Variants in PSD3 observed in about 807,000 individuals in gnomAD.
The protein encoded by PSD3 is PH and SEC7 domain-containing protein 3.
A neutral mutation model predicts 105.5 loss-of-function variants in PSD3; 49 were observed. The observed-to-expected ratio is 0.46, with a 90% CI of 0.37 to 0.59. The LOEUF (loss-of-function observed/expected upper bound fraction) is 0.59, where lower values mean the gene tolerates loss of function less well. PSD3 is among the 20% of genes least tolerant of loss of function. The pLI is 0.00. For synonymous variants in PSD3, 557 were observed against 457.8 expected (o/e 1.22, Z -2.77); for missense variants, 1,561 against 1,263.8 (o/e 1.24, Z -3.57).
intron 15 of PSD3, among the ~76,000 whole-genome samples, chr8:18,545,903 C>G (rs1400685148): frequency 2.0e-5 from 3 of 152,194 alleles, no homozygotes; most frequent in Non-Finnish European, 2.9e-5. Flanking sequence ...ATTTGAGGAG[C>G]AGCTGAAGGA....
Position 18,632,870 on chromosome 8 carries a change from A to C in PSD3, c.2217-64T>G. The C allele has an allele frequency of 3.1e-6, 4 of 1,304,202 alleles. No homozygotes were observed. In the Admixed American group the frequency reaches 1.1e-4, roughly 37 times the overall value. The allele number at this position is 1,304,202 out of a possible 1,614,324, so 80.8% of individuals were successfully genotyped here. A position where few individuals can be genotyped will look rare whatever the true frequency, so the allele number is the denominator to read the frequency against. On this transcript the variant is annotated intron_variant, in intron 10 of 15. Coordinates refer to ENST00000327040, the MANE Select transcript of PSD3 (RefSeq NM_015310.4). The stretch of plus-strand genomic sequence containing the variant: ...ATCATAATATTCAAAGAAAAAGGTA[A>C]GTTATTGTAAAAAACTACATTGTAT...
chr8:19,043,952 G>A (rs943301884), intron 1 of PSD3, among the ~76,000 whole-genome samples: 85 of 152,274 alleles, frequency 5.6e-4, no homozygotes, highest in African/African-American at 2.0e-3. Flanking sequence ...TTTGTTTTCT[G>A]CTCAACAAGC....
intron 1 of PSD3, among the ~76,000 whole-genome samples, chr8:18,976,318 A>C (rs891683210): frequency 6.6e-6 from 1 of 152,246 alleles, no homozygotes; most frequent in African/African-American, 2.4e-5. Context: ...CTTATTATTA[A>C]ATAAATTACA....
At chr8:18,927,697 A>G (rs545416280) in intron 2 of PSD3, among the ~76,000 whole-genome samples, 1 of 151,866 alleles carries the variant, frequency 6.6e-6, no homozygotes, top group Non-Finnish European at 1.5e-5. Context: ...GAAAGTCCGA[A>G]CCCTCCAATC....
intron 12 of PSD3, among the ~76,000 whole-genome samples, chr8:18,582,816 CTTTTTTTTT>C (rs71217386): frequency 2.4e-5 from 3 of 125,474 alleles, no homozygotes; most frequent in East Asian, 2.3e-4. Flanking sequence ...CCACACTGAT[CTTTTTTTTT>C]TTTTTTTTTT....
At chr8:18,746,662 G>C (rs1336208117) in intron 9 of PSD3, among the ~76,000 whole-genome samples, 1 of 152,136 alleles carries the variant, frequency 6.6e-6, no homozygotes, top group Non-Finnish European at 1.5e-5. Flanking sequence ...TGTTCTTTTT[G>C]TCTTCAACCA....
chr8:18,667,129 C>CTGG (rs1759247569), intron 9 of PSD3, among the ~76,000 whole-genome samples: 1 of 152,134 alleles, frequency 6.6e-6, no homozygotes, highest in South Asian at 2.1e-4. Context: ...CGAGTTGCCA[C>CTGG]TGGTGGCTCA....
chr8:19,065,045 A>G (rs1180498157), intron 1 of PSD3, among the ~76,000 whole-genome samples: 1 of 152,182 alleles, frequency 6.6e-6, no homozygotes, highest in Non-Finnish European at 1.5e-5. Context: ...CAGGAGATTC[A>G]CAGCAACCAC....
intron 6 of PSD3, 58 bp downstream of exon 6, chr8:18,804,464 T>A: frequency 2.8e-6 from 4 of 1,411,866 alleles, no homozygotes; most frequent in Non-Finnish European, 3.9e-6. Context: ...CATTACTTTC[T>A]TCTCTAAGAA....
At position 18,913,086 on chromosome 8, in the gene PSD3, A is replaced by AACACACACACAC. The variant is rs72253853; in HGVS notation, c.130+22936_130+22947dup. 1.3e-4 allele frequency among the ~76,000 whole-genome samples: 17 copies of AACACACACACAC among 130,542 alleles called. No individual in the cohort carries two copies. In the East Asian group the frequency reaches 1.4e-3, roughly 11 times the overall value. 85.6% of individuals were successfully genotyped at this position (130,542 alleles called of 152,430 possible). A position where few individuals can be genotyped will look rare whatever the true frequency, so the allele number is the denominator to read the frequency against. ...CTTTATAAACACACACACACACACA[A>AACACACACACAC]ACACACACACACACACACACACACA... is the stretch of plus-strand genomic sequence containing the variant. On this transcript the variant is annotated intron_variant, in intron 2 of 15. Transcript: ENST00000327040.
intron 1 of PSD3, among the ~76,000 whole-genome samples, chr8:18,972,417 A>T (rs1359790323): frequency 3.3e-5 from 5 of 152,242 alleles, no homozygotes; most frequent in African/African-American, 1.2e-4. Flanking sequence ...CAGTTATCAC[A>T]GGGTCAGATT....
At position 18,850,758 on chromosome 8, in the gene PSD3, T is replaced by C. The variant is rs920015904; in HGVS notation, c.1634+16916A>G. On this transcript the variant is annotated intron_variant, in intron 4 of 15. Transcript: ENST00000327040. ...TGCAGATGGGCAAACTGAGGGGTCA[T>C]GAGAGGACGCGACTCTTCCCAAGTC... Among the ~76,000 whole-genome samples, 5 of 152,240 alleles carry C rather than the reference T, an allele frequency of 3.3e-5. 1 individual carries two copies. In the Middle Eastern group the frequency reaches 0.014, roughly 414 times the overall value.
chr8:18,854,031 A>G (rs1323519219), intron 4 of PSD3: 1 of 26,854 alleles, frequency 3.7e-5, no homozygotes, highest in Non-Finnish European at 7.6e-5. Context: ...AGTTTCTACA[A>G]TTACAATTAT....
intron 2 of PSD3, among the ~76,000 whole-genome samples, chr8:18,920,172 C>T (rs528124279): frequency 1.3e-5 from 2 of 152,100 alleles, no homozygotes; most frequent in Admixed American, 6.6e-5. Context: ...GCTTAGGAAC[C>T]ATCGCTTTAA....
chr8:18,949,244 A>AAAAAAAAAATAT (rs1345423514), intron 1 of PSD3, among the ~76,000 whole-genome samples: 4 of 14,404 alleles, frequency 2.8e-4, no homozygotes, highest in Non-Finnish European at 5.4e-4. Flanking sequence ...AAAAAAAAAA[A>AAAAAAAAAATAT]ATATATATAT....
chr8:18,556,140 T>C lies in PSD3; in HGVS notation c.2928+69A>G. 2.6e-6 allele frequency: 4 copies of C among 1,531,408 alleles called. No individual in the cohort carries two copies. In the East Asian group the frequency reaches 9.3e-5, roughly 36 times the overall value. 94.9% of individuals were successfully genotyped at this position (1,531,408 alleles called of 1,614,324 possible). Reference sequence around the variant, plus strand: ...CTCTCAGTGACACTGCAAAGAAAGATACCGCCTCATGGACAGATCATAAGA... The same window carrying C: ...CTCTCAGTGACACTGCAAAGAAAGACACCGCCTCATGGACAGATCATAAGA... On this transcript the variant is annotated intron_variant, in intron 15 of 15. Coordinates refer to ENST00000327040, the MANE Select transcript of PSD3 (RefSeq NM_015310.4).
At chr8:18,896,869 G>A (rs1052251206) in intron 2 of PSD3, among the ~76,000 whole-genome samples, 11 of 152,040 alleles carry the variant, frequency 7.2e-5, no homozygotes, top group Non-Finnish European at 1.5e-5. Context: ...GGAGTGCAAT[G>A]GCATGATCTC....
At chr8:18,580,268 G>A (rs1047913694) in intron 12 of PSD3, among the ~76,000 whole-genome samples, 1 of 152,026 alleles carries the variant, frequency 6.6e-6, no homozygotes, top group African/African-American at 2.4e-5. Context: ...GACCTGCTCC[G>A]GGTGCCACAG....
intron 10 of PSD3, among the ~76,000 whole-genome samples, chr8:18,653,424 G>C (rs1048247982): frequency 6.6e-6 from 1 of 151,820 alleles, no homozygotes; most frequent in Non-Finnish European, 1.5e-5. Flanking sequence ...ATCAATTGAA[G>C]AGCAACTTGC....
Sources: gnomAD v4.1 joint callset for allele counts (sites outside exome capture counted in the v4.1 genomes callset) on GRCh38, gnomAD v4.1.1 for gene constraint, MANE v1.5 for transcripts, NCBI Gene and HGNC (gene_info 2026-07-23, HGNC 2026-07-21) for gene names.